BATF: variants seen among roughly 807,000 people sequenced by gnomAD.
BATF encodes basic leucine zipper ATF-like transcription factor, also known as basic leucine zipper transcriptional factor ATF-like.
BATF carries 5 observed loss-of-function variants against 13.7 expected under a neutral mutation model. That is an observed-to-expected ratio of 0.36 (90% confidence interval 0.19 to 0.77). The LOEUF (loss-of-function observed/expected upper bound fraction) is 0.77. BATF is among the 30% of genes least tolerant of loss of function. The pLI is 0.51. For synonymous variants in BATF, 72 were observed against 67.5 expected (o/e 1.07, Z -0.33); for missense variants, 124 against 163.0 (o/e 0.76, Z 1.30).
intron 2 of BATF, among the ~76,000 whole-genome samples, chr14:75,536,588 A>G (rs1174173018): frequency 6.6e-6 from 1 of 151,914 alleles, no homozygotes; most frequent in Non-Finnish European, 1.5e-5. Context: ...TTAAATATCC[A>G]GGCATGCACC....
chr14:75,525,017 C>G, intron 1 of BATF, 67 bp from the exon 2 acceptor site: 1 of 1,364,774 alleles, frequency 7.3e-7, no homozygotes. Context: ...CCACACACCA[C>G]CAGAGCCTGC....
At chr14:75,528,469 G>T (rs1887684300) in intron 2 of BATF, among the ~76,000 whole-genome samples, 1 of 152,204 alleles carries the variant, frequency 6.6e-6, no homozygotes. Flanking sequence ...AGAGTAGGGA[G>T]AGAGCCTCTT....
chr14:75,542,914 C>T (rs1027849639), intron 2 of BATF, among the ~76,000 whole-genome samples: 4 of 152,200 alleles, frequency 2.6e-5, no homozygotes, highest in African/African-American at 7.2e-5. Context: ...AGGAAGGACC[C>T]GCTGTCACTT....
chr14:75,534,040 T>C (rs1323015006), intron 2 of BATF, among the ~76,000 whole-genome samples: 1 of 152,190 alleles, frequency 6.6e-6, no homozygotes, highest in East Asian at 1.9e-4. Context: ...CTCCAGAACA[T>C]ACGGCTATAC....
At chr14:75,526,328 C>G (rs543807384) in intron 2 of BATF, among the ~76,000 whole-genome samples, 1 of 152,234 alleles carries the variant, frequency 6.6e-6, no homozygotes, top group African/African-American at 2.4e-5. Flanking sequence ...AGCAACTCTA[C>G]CTTCCTGCCC....
At chr14:75,537,105 C>T (rs973086723) in intron 2 of BATF, among the ~76,000 whole-genome samples, 1 of 152,172 alleles carries the variant, frequency 6.6e-6, no homozygotes, top group Non-Finnish European at 1.5e-5. Flanking sequence ...TGGCCTTTCA[C>T]AACTAGGCAA....
intron 2 of BATF, among the ~76,000 whole-genome samples, chr14:75,535,468 G>C (rs1011702149): frequency 1.3e-5 from 2 of 152,072 alleles, no homozygotes; most frequent in Admixed American, 6.5e-5. Context: ...TAAGGGACTA[G>C]GATCATGGGC....
intron 2 of BATF, among the ~76,000 whole-genome samples, chr14:75,526,258 G>A (rs914623771): frequency 6.6e-6 from 1 of 152,114 alleles, no homozygotes; most frequent in Non-Finnish European, 1.5e-5. Flanking sequence ...CCCCAGTATG[G>A]TTCTTGTTCA....
chr14:75,542,083 C>T (rs957753483), intron 2 of BATF, among the ~76,000 whole-genome samples: 10 of 152,200 alleles, frequency 6.6e-5, no homozygotes, highest in Non-Finnish European at 8.8e-5. Context: ...GCGCCTCCCT[C>T]GCGGGCAATG....
intron 2 of BATF, among the ~76,000 whole-genome samples, chr14:75,525,659 CAAAAAA>C (rs35718974): frequency 1.9e-5 from 2 of 105,490 alleles, no homozygotes; most frequent in African/African-American, 3.6e-5. Flanking sequence ...AACTTCATCT[CAAAAAA>C]AAAAAAAAAA....
At position 75,538,668 on chromosome 14, in the gene BATF, G is replaced by A. The variant is rs547736084; in HGVS notation, c.169-7794G>A. Among the ~76,000 whole-genome samples, 3 of 152,350 alleles carry A rather than the reference G, an allele frequency of 2.0e-5. No homozygotes were observed. In the South Asian group the frequency reaches 6.2e-4, roughly 32 times the overall value. On this transcript the variant is annotated intron_variant, in intron 2 of 2. Transcript: ENST00000286639. ...TGTAATCCCAACACTTTGGGAGCCC[G>A]AGGCGGGTGGATCACGAGGTCAGGA...
chr14:75,546,373 A>T, intron 2 of BATF, 89 bp from the exon 3 acceptor site: 1 of 1,341,490 alleles, frequency 7.5e-7, no homozygotes, highest in Non-Finnish European at 1.0e-6. Context: ...GTGAACAACT[A>T]ATCTGGCCCC....
chr14:75,534,322 A>G (rs1887787309), intron 2 of BATF, among the ~76,000 whole-genome samples: 1 of 152,190 alleles, frequency 6.6e-6, no homozygotes, highest in African/African-American at 2.4e-5. Context: ...AAATGAAAAT[A>G]CCCTAATTTC....
chr14:75,534,890 T>C (rs370680995), intron 2 of BATF, among the ~76,000 whole-genome samples: 13 of 152,296 alleles, frequency 8.5e-5, no homozygotes, highest in African/African-American at 3.1e-4. Context: ...CAAAACCCAG[T>C]GTGCATCACG....
chr14:75,525,270 G>C, intron 2 of BATF, 82 bp downstream of exon 2: 2 of 1,410,246 alleles, frequency 1.4e-6, no homozygotes, highest in Non-Finnish European at 2.0e-6. Flanking sequence ...CCATAGCTTT[G>C]ATTCTGCTTG....
At chr14:75,528,039 C>T (rs1887678211) in intron 2 of BATF, among the ~76,000 whole-genome samples, 2 of 152,172 alleles carry the variant, frequency 1.3e-5, no homozygotes, top group South Asian at 2.1e-4. Context: ...CATCCATTAT[C>T]CTCTTAATTA....
At chr14:75,545,019 A>C (rs545617125) in intron 2 of BATF, among the ~76,000 whole-genome samples, 7 of 152,216 alleles carry the variant, frequency 4.6e-5, no homozygotes, top group African/African-American at 1.7e-4. Flanking sequence ...AGAAATCAGC[A>C]CTTCTTAGCA....
At position 75,540,109 on chromosome 14, in the gene BATF, C is replaced by T. The variant is rs181708568; in HGVS notation, c.169-6353C>T. ...TTCTGGAAATTGTGATTAGAAAATG[C>T]AAGGAGAAGGCCAAGACACTAAACT... is the stretch of plus-strand genomic sequence containing the variant. On this transcript the variant is annotated intron_variant, in intron 2 of 2. Transcript: ENST00000286639. 2.2e-3 allele frequency among the ~76,000 whole-genome samples: 342 copies of T among 152,236 alleles called. 1 individual carries two copies. The highest frequency in any genetic ancestry group is 6.8e-3 in the Middle Eastern group (2 of 294).
chr14:75,526,698 C>G (rs141655005), intron 2 of BATF, among the ~76,000 whole-genome samples: 4 of 152,350 alleles, frequency 2.6e-5, no homozygotes, highest in African/African-American at 9.6e-5. Context: ...TCTGTACTAA[C>G]TGTGCTCAAC....
Sources: allele counts gnomAD v4.1 joint callset (sites outside exome capture counted in the v4.1 genomes callset), GRCh38; gene constraint gnomAD v4.1.1; transcripts MANE v1.5; gene names NCBI Gene and HGNC (gene_info 2026-07-23, HGNC 2026-07-21).